Variants in PPP2R5E observed in about 807,000 individuals in gnomAD.
PPP2R5E encodes the protein serine/threonine-protein phosphatase 2A 56 kDa regulatory subunit epsilon isoform.
Under a neutral mutation model 65.3 loss-of-function variants are expected in PPP2R5E, and 4 were observed. That is an observed-to-expected ratio of 0.06 (90% confidence interval 0.03 to 0.14). PPP2R5E has a LOEUF of 0.14. Among genes scored for constraint, PPP2R5E ranks in the 10% least tolerant of loss-of-function variants. PPP2R5E has a pLI of 1.00. For missense variants in PPP2R5E, 274 were observed against 556.1 expected, an observed-to-expected ratio of 0.49 and a Z score of 5.10; for synonymous variants, 183 against 187.4, an observed-to-expected ratio of 0.98 and a Z score of 0.19.
At chr14:63,436,009 T>C (rs1325082244) in intron 3 of PPP2R5E, among the ~76,000 whole-genome samples, 1 of 152,206 alleles carries the variant, frequency 6.6e-6, no homozygotes, top group Non-Finnish European at 1.5e-5. Context: ...TTACTGTGTA[T>C]AAATCAGTGC....
At chr14:63,441,962 G>C (rs1178095846) in intron 3 of PPP2R5E, among the ~76,000 whole-genome samples, 1 of 150,352 alleles carries the variant, frequency 6.7e-6, no homozygotes, top group Admixed American at 6.6e-5. Flanking sequence ...GTTAACCTAA[G>C]AGGGTTCAGT....
chr14:63,388,150 T>C (rs1307740647), intron 11 of PPP2R5E, among the ~76,000 whole-genome samples: 1 of 152,102 alleles, frequency 6.6e-6, no homozygotes, highest in Non-Finnish European at 1.5e-5. Flanking sequence ...CTTTCTTTTT[T>C]TGTTTTTTAG....
intron 2 of PPP2R5E, among the ~76,000 whole-genome samples, chr14:63,500,578 T>C (rs1891823068): frequency 6.6e-6 from 1 of 152,162 alleles, no homozygotes; most frequent in Admixed American, 6.5e-5. Flanking sequence ...CAATTAGAAA[T>C]ATGACAGATC....
intron 2 of PPP2R5E, among the ~76,000 whole-genome samples, chr14:63,530,336 G>T (rs545988952): frequency 6.9e-6 from 1 of 145,550 alleles, no homozygotes; most frequent in Non-Finnish European, 1.5e-5. Flanking sequence ...GGATTCAAGC[G>T]ATTCTCCTGC....
intron 3 of PPP2R5E, among the ~76,000 whole-genome samples, chr14:63,423,545 T>A (rs1355394208): frequency 2.0e-5 from 3 of 151,842 alleles, no homozygotes; most frequent in South Asian, 2.1e-4. Context: ...GACCCAAACA[T>A]AAGACAGGGA....
chr14:63,452,022 A>G (rs1292207431), intron 3 of PPP2R5E: 1 of 152,238 alleles, frequency 6.6e-6, no homozygotes, highest in Non-Finnish European at 1.5e-5. Flanking sequence ...GCAGCTATAA[A>G]AAGAATATGG....
At chr14:63,395,142 A>G in intron 7 of PPP2R5E, 84 bp downstream of exon 7, 1 of 1,091,612 alleles carries the variant, frequency 9.2e-7, no homozygotes, top group Non-Finnish European at 1.4e-6. Flanking sequence ...CAAGAGAACT[A>G]GGTGAGCATC....
At chr14:63,393,428 T>G (rs563000750) in intron 8 of PPP2R5E, among the ~76,000 whole-genome samples, 2 of 152,146 alleles carry the variant, frequency 1.3e-5, no homozygotes, top group Non-Finnish European at 1.5e-5. Context: ...ATGAAGGCGA[T>G]AGGCCCGGCG....
Position 63,441,866 on chromosome 14 carries a change from C to T in PPP2R5E, c.354+11823G>A, listed in dbSNP as rs148633110. Among the ~76,000 whole-genome samples, 1,168 of 150,010 alleles carry T rather than the reference C, an allele frequency of 7.8e-3. 43 individuals are homozygous for T. In the East Asian group the frequency reaches 0.11, roughly 14 times the overall value. On this transcript the variant is annotated intron_variant, in intron 3 of 13. Coordinates refer to ENST00000337537, the MANE Select transcript of PPP2R5E (RefSeq NM_006246.5). The stretch of plus-strand genomic sequence containing the variant: ...TGGAGCTTGCCGTGAGCCAAGATCG[C>T]GCCACTGCACTCCAGCCTGGGCCAC...
At position 63,416,494 on chromosome 14, in the gene PPP2R5E, TATC is replaced by T. The variant is rs151212578; in HGVS notation, c.457-1265_457-1263del. Among the ~76,000 whole-genome samples, 441 of 152,236 alleles carry T rather than the reference TATC, an allele frequency of 2.9e-3. 1 individual carries two copies. Among genetic ancestry groups the T allele is most frequent in the African/African-American group, 1.0e-2 (415 of 41,554 alleles). On this transcript the variant is annotated intron_variant, in intron 4 of 13. Transcript: ENST00000337537. ...AGCCCTCTGCACAATGACTAACATG[TATC>T]ATCATCACTATTCCTAAAATAACAT...
At chr14:63,437,325 T>C (rs186866208) in intron 3 of PPP2R5E, among the ~76,000 whole-genome samples, 132 of 152,310 alleles carry the variant, frequency 8.7e-4, no homozygotes, top group Non-Finnish European at 1.3e-3. Context: ...CTAGCCCTTC[T>C]TTTATTCCTT....
At chr14:63,402,443 A>G (rs1008592955) in intron 5 of PPP2R5E, among the ~76,000 whole-genome samples, 1 of 152,244 alleles carries the variant, frequency 6.6e-6, no homozygotes, top group African/African-American at 2.4e-5. Context: ...AGATATTTTA[A>G]CATAAAAGAC....
At chr14:63,379,658 AAAT>A (rs1019153503) in intron 13 of PPP2R5E, among the ~76,000 whole-genome samples, 1 of 152,132 alleles carries the variant, frequency 6.6e-6, no homozygotes, top group Non-Finnish European at 1.5e-5. Flanking sequence ...GGAATAGATA[AAAT>A]AATAGTTTTA....
At chr14:63,480,666 G>C (rs948346263) in intron 2 of PPP2R5E, among the ~76,000 whole-genome samples, 1 of 152,028 alleles carries the variant, frequency 6.6e-6, no homozygotes, top group Non-Finnish European at 1.5e-5. Flanking sequence ...GGCTGGTCTC[G>C]AACTCCTAGT....
At chr14:63,399,979 A>G (rs1480665987) in intron 5 of PPP2R5E, among the ~76,000 whole-genome samples, 1 of 151,998 alleles carries the variant, frequency 6.6e-6, no homozygotes, top group Non-Finnish European at 1.5e-5. Context: ...TTTGAATAAA[A>G]GACAAGAGTT....
At chr14:63,420,614 GTGTGTACTTGCAGAAACTT>G (rs1383843958) in intron 4 of PPP2R5E, among the ~76,000 whole-genome samples, 1 of 152,192 alleles carries the variant, frequency 6.6e-6, no homozygotes, top group Non-Finnish European at 1.5e-5. Flanking sequence ...AATAGCACAC[GTGTGTACTTGCAGAAACTT>G]TGAGTTGTCA....
intron 2 of PPP2R5E, among the ~76,000 whole-genome samples, chr14:63,527,098 G>A (rs548674503): frequency 6.6e-6 from 1 of 152,292 alleles, no homozygotes; most frequent in East Asian, 1.9e-4. Context: ...GAACCCAGGA[G>A]GTGGGGGTTG....
intron 3 of PPP2R5E, among the ~76,000 whole-genome samples, chr14:63,436,575 C>G (rs1287072342): frequency 1.3e-5 from 2 of 152,196 alleles, no homozygotes; most frequent in Non-Finnish European, 2.9e-5. Flanking sequence ...CCATATTTAG[C>G]ACATATAACC....
At chr14:63,508,647 C>A (rs1892327202) in intron 2 of PPP2R5E, among the ~76,000 whole-genome samples, 1 of 152,210 alleles carries the variant, frequency 6.6e-6, no homozygotes, top group South Asian at 2.1e-4. Flanking sequence ...GGACTGAAGT[C>A]CTAGCTTGTC....
Sources: allele counts gnomAD v4.1 joint callset (sites outside exome capture counted in the v4.1 genomes callset), GRCh38; gene constraint gnomAD v4.1.1; transcripts MANE v1.5; gene names NCBI Gene and HGNC (gene_info 2026-07-23, HGNC 2026-07-21).